The following NUP214 variants were observed in gnomAD, a reference collection of about 807,000 sequenced individuals.
The protein encoded by NUP214 is nuclear pore complex protein Nup214.
A neutral mutation model predicts 196.2 loss-of-function variants in NUP214; 79 were observed. The observed-to-expected ratio is 0.40, with a 90% CI of 0.34 to 0.49. The LOEUF is 0.49. Among genes scored for constraint, NUP214 ranks in the 20% least tolerant of loss-of-function variants. The pLI is 0.58. For missense variants in NUP214, 2,468 were observed against 2,539.0 expected, an observed-to-expected ratio of 0.97 and a Z score of 0.60; for synonymous variants, 1,020 against 990.5, an observed-to-expected ratio of 1.03 and a Z score of -0.56.
At chr9:131,164,225 G>C in intron 21 of NUP214, 81 bp downstream of exon 21, 6 of 1,249,666 alleles carry the variant, frequency 4.8e-6, no homozygotes, top group Non-Finnish European at 7.0e-6. Flanking sequence ...ACATGCACGT[G>C]TGCATGTGTG....
intron 35 of NUP214, chr9:131,233,012 G>GA (rs1044905983): frequency 1.9e-4 from 29 of 152,142 alleles, no homozygotes; most frequent in East Asian, 1.4e-3. Context: ...TATATCAAAA[G>GA]AAAAAAATAT....
intron 30 of NUP214, among the ~76,000 whole-genome samples, chr9:131,212,403 C>T (rs1834270764): frequency 6.6e-6 from 1 of 152,176 alleles, no homozygotes; most frequent in African/African-American, 2.4e-5. Flanking sequence ...ACAACCCTCC[C>T]CTTTTGAAAT....
intron 27 of NUP214, among the ~76,000 whole-genome samples, chr9:131,194,540 A>G (rs889676005): frequency 6.6e-6 from 1 of 152,040 alleles, no homozygotes; most frequent in Non-Finnish European, 1.5e-5. Context: ...CTGAGTTTTT[A>G]TCACAGTGAA....
intron 4 of NUP214, among the ~76,000 whole-genome samples, chr9:131,130,132 G>GTTTTTTTTTTTTTTTTTT (rs1245763919): frequency 1.1e-4 from 5 of 46,552 alleles, no homozygotes; most frequent in African/African-American, 2.1e-4. Context: ...ATGATTTCTG[G>GTTTTTTTTTTTTTTTTTT]TTTTGTTTTT....
chr9:131,189,729 TG>T (rs1182380802), intron 26 of NUP214, among the ~76,000 whole-genome samples: 1 of 152,236 alleles, frequency 6.6e-6, no homozygotes, highest in Admixed American at 6.5e-5. Context: ...CCAGACACTT[TG>T]TCCAAGTGTC....
chr9:131,159,104 G>T (rs1832548004), intron 17 of NUP214: 1 of 372,754 alleles, frequency 2.7e-6, no homozygotes, highest in African/African-American at 2.1e-5. Context: ...ATTAGAGACA[G>T]AGTCTTGCTG....
intron 25 of NUP214, among the ~76,000 whole-genome samples, chr9:131,188,013 A>T (rs1833501232): frequency 6.6e-6 from 1 of 152,192 alleles, no homozygotes; most frequent in Admixed American, 6.5e-5. Context: ...GTACAGTGGG[A>T]GGATAGGTGT....
intron 3 of NUP214, 48 bp from the exon 4 acceptor site, chr9:131,129,231 A>G: frequency 6.8e-7 from 1 of 1,475,644 alleles, no homozygotes; most frequent in Non-Finnish European, 9.5e-7. Flanking sequence ...ATGTTTCTGC[A>G]TTTACTATTT....
chr9:131,129,210 T>G (rs1465916060), intron 3 of NUP214, 69 bp from the exon 4 acceptor site: 1 of 1,291,470 alleles, frequency 7.7e-7, no homozygotes, highest in African/African-American at 1.5e-5. Flanking sequence ...GTAATTTCCA[T>G]TGAATATTAA....
At chr9:131,209,387 G>A (rs1834173765) in intron 30 of NUP214, among the ~76,000 whole-genome samples, 1 of 152,118 alleles carries the variant, frequency 6.6e-6, no homozygotes, top group South Asian at 2.1e-4. Flanking sequence ...GTCTCAGTCA[G>A]TCAAATTTAT....
Position 131,140,693 on chromosome 9 carries a change from G to A in NUP214, c.1277G>A (p.Arg426Gln), listed in dbSNP as rs988508580. The change falls in exon 11 of 36, where the codon CGA (arginine) becomes CAA (glutamine). Residue 426 changes from arginine (R) to glutamine (Q), a missense_variant. By Grantham distance (43) the Arg-to-Gln change is conservative. Coordinates refer to ENST00000359428, the MANE Select transcript of NUP214 (RefSeq NM_005085.4). The stretch of plus-strand genomic sequence containing the variant: ...GAGCGACTTTCATTAGAAGGAGAGC[G>A]ACAGCCCAAGTCACCAGGTATGTGC... ...TPERLSLEGE[R>Q]QPKSPGSTPT... is the part of the protein sequence containing the mutation. The A allele has an allele frequency of 6.2e-6, 10 of 1,613,520 alleles. No homozygotes were observed. The African/African-American group carries it at 6.7e-5, about 11-fold the overall frequency.
In NUP214 at chr9:131,196,962, G is replaced by A. The variant is rs537719291; in HGVS notation, c.3722-254G>A. Among the ~76,000 whole-genome samples the A allele has an allele frequency of 1.6e-4, 25 of 152,232 alleles. No individual in the cohort carries two copies. In the South Asian group the frequency reaches 5.2e-3, roughly 32 times the overall value. On this transcript the variant is annotated intron_variant, in intron 28 of 35. Transcript: ENST00000359428. ...TAATATGTTAATTTCACATATTCTA[G>A]ATATTTTGTATTTGTTGTGATTTAA...
rs751090671 is a variant in NUP214, at chr9:131,198,537, C to T, written c.5043C>T (p.Thr1681=). 2.7e-5 allele frequency: 43 copies of T among 1,614,238 alleles called. No homozygotes were observed. Among genetic ancestry groups the T allele is most frequent in the Non-Finnish European group, 3.6e-5 (42 of 1,180,048 alleles). ...TGTTTGGGCAAGTGGCAGCCAGCAC[C>T]GCACCAAGTCTGTTTGGGCAGCAGA... ...TPVFGQVAAS[T]APSLFGQQTG... The change falls in exon 29 of 36, where the codon ACC becomes ACT. Residue 1681 remains threonine, a synonymous_variant. Transcript: ENST00000359428.
At chr9:131,223,478 TAAGAG>T (rs1208527143) in intron 32 of NUP214, among the ~76,000 whole-genome samples, 6 of 151,802 alleles carry the variant, frequency 4.0e-5, no homozygotes, top group African/African-American at 4.8e-5. Context: ...ATGCAACTCT[TAAGAG>T]AACACAGATT....
chr9:131,132,892 T>C, intron 6 of NUP214: 1 of 619,446 alleles, frequency 1.6e-6, no homozygotes. Flanking sequence ...CAATTCTTCA[T>C]AATTTGCCCT....
chr9:131,190,270 T>C (rs979657141), intron 26 of NUP214: 83 of 499,562 alleles, frequency 1.7e-4, no homozygotes, highest in Middle Eastern at 1.5e-3. Context: ...AAAAAGGTTT[T>C]GAAAGATCAT....
intron 27 of NUP214, chr9:131,193,945 C>G (rs1249278541): frequency 1.3e-5 from 2 of 151,568 alleles, no homozygotes; most frequent in Non-Finnish European, 2.9e-5. Flanking sequence ...GCCACTGCAC[C>G]TGGCCCTCTT....
At chr9:131,154,417 A>T (rs1439850994) in intron 17 of NUP214, among the ~76,000 whole-genome samples, 2 of 151,916 alleles carry the variant, frequency 1.3e-5, no homozygotes, top group South Asian at 4.2e-4. Flanking sequence ...CCATTGTATC[A>T]TTCTGTCTAT....
At chr9:131,185,131 A>C (rs976771291) in intron 24 of NUP214, among the ~76,000 whole-genome samples, 1 of 152,224 alleles carries the variant, frequency 6.6e-6, no homozygotes, top group Non-Finnish European at 1.5e-5. Flanking sequence ...GAAGTTCATT[A>C]AAGTTGGAGG....
Sources: allele counts gnomAD v4.1 joint callset (sites outside exome capture counted in the v4.1 genomes callset), GRCh38; gene constraint gnomAD v4.1.1; transcripts MANE v1.5; gene names NCBI Gene and HGNC (gene_info 2026-07-23, HGNC 2026-07-21).